ERCC4: variants seen among roughly 807,000 people sequenced by gnomAD.
The protein encoded by ERCC4 is DNA repair endonuclease XPF.
A neutral mutation model predicts 76.9 loss-of-function variants in ERCC4; 65 were observed. That is an observed-to-expected ratio of 0.84 (90% confidence interval 0.69 to 1.04). The LOEUF (loss-of-function observed/expected upper bound fraction) is 1.04. Among genes scored for constraint, ERCC4 ranks in the 50% least tolerant of loss-of-function variants. ERCC4 has a pLI of 0.00. For missense variants in ERCC4, 1,214 were observed against 1,128.2 expected (o/e 1.08, Z -1.09); for synonymous variants, 463 against 410.1 (o/e 1.13, Z -1.56).
In ERCC4 at chr16:13,937,674, G is replaced by A. The variant is rs3136163; in HGVS notation, c.1812-92G>A. On this transcript the variant is annotated intron_variant, in intron 8 of 10. Transcript: ENST00000311895. ...TTAGTCAAATATTTGTTATTTGAGC[G>A]CTCTAGGTTGCTGATTTCACATGTT... is the stretch of plus-strand genomic sequence containing the variant. 485 of 791,118 alleles carry A rather than the reference G, an allele frequency of 6.1e-4. 2 individuals carry two copies. The African/African-American group carries it at 6.6e-3, about 11-fold the overall frequency. 49.0% of individuals were successfully genotyped at this position (791,118 alleles called of 1,614,324 possible).
intron 9 of ERCC4, among the ~76,000 whole-genome samples, chr16:13,941,368 C>A (rs2032410318): frequency 1.3e-5 from 2 of 152,264 alleles, no homozygotes; most frequent in East Asian, 3.9e-4. Context: ...CTTACTTTCC[C>A]AGGAAACTTG....
Position 13,920,300 on chromosome 16 carries a change from C to T in ERCC4, c.135C>T (p.Leu45=), listed in dbSNP as rs749628982. The T allele has an allele frequency of 6.2e-6, 10 of 1,603,470 alleles. No individual in the cohort carries two copies. The highest frequency in any genetic ancestry group is 4.0e-5 in the African/African-American group (3 of 74,910). The change falls in exon 1 of 11, where the codon CTC becomes CTT. Residue 45 remains leucine, a synonymous_variant. Coordinates refer to ENST00000311895, the MANE Select transcript of ERCC4 (RefSeq NM_005236.3). ...GCGGGCTCGGCGCGGACCGGCTCCT[C>T]TACCACTTTCTCCAGCTGCACTGCC... is the stretch of plus-strand genomic sequence containing the variant. The part of the protein sequence containing the change: ...CARGLGADRL[L]YHFLQLHCHP...
At chr16:13,932,356 T>C in intron 6 of ERCC4, 71 bp downstream of exon 6, 2 of 1,407,596 alleles carry the variant, frequency 1.4e-6, no homozygotes, top group South Asian at 1.2e-5. Context: ...TAAAGTGCAA[T>C]TTAAAGTCTT....
At chr16:13,939,961 A>G (rs1044355316) in intron 9 of ERCC4, among the ~76,000 whole-genome samples, 1 of 152,332 alleles carries the variant, frequency 6.6e-6, no homozygotes, top group Middle Eastern at 3.4e-3. Context: ...CACAGAGCTA[A>G]AATACTCAGA....
chr16:13,929,873 A>T (rs1567244987), intron 4 of ERCC4, among the ~76,000 whole-genome samples: 1 of 152,202 alleles, frequency 6.6e-6, no homozygotes, highest in Non-Finnish European at 1.5e-5. Context: ...CTGAGGCAGG[A>T]TAATGGCACG....
Position 13,928,188 on chromosome 16 carries a change from G to A in ERCC4, c.745G>A (p.Val249Met). Reference sequence around the variant, plus strand: ...AAAATGCCATAACCCATCGCTTGAAGTGGAAGATTTATCTTTAGAAAATGC... The same window carrying A: ...AAAATGCCATAACCCATCGCTTGAAATGGAAGATTTATCTTTAGAAAATGC... ...ELKCHNPSLE[V>M]EDLSLENAIG... is the part of the protein sequence containing the mutation. The change falls in exon 4 of 11, where the codon GTG (valine) becomes ATG (methionine). Residue 249 changes from valine to methionine, a missense_variant. Val to Met is a conservative substitution (Grantham distance 21). Coordinates refer to ENST00000311895, the MANE Select transcript of ERCC4 (RefSeq NM_005236.3). The A allele has an allele frequency of 3.7e-6, 6 of 1,613,784 alleles. No individual in the cohort carries two copies. Among genetic ancestry groups the A allele is most frequent in the Non-Finnish European group, 5.1e-6 (6 of 1,179,848 alleles).
chr16:13,943,582 A>G (rs147330670), intron 9 of ERCC4, among the ~76,000 whole-genome samples: 118 of 152,340 alleles, frequency 7.7e-4, no homozygotes, highest in African/African-American at 2.5e-3. Flanking sequence ...CTATTAATTC[A>G]AGATGAGATT....
At chr16:13,936,503 C>G (rs3136155) in intron 8 of ERCC4, among the ~76,000 whole-genome samples, 1 of 151,996 alleles carries the variant, frequency 6.6e-6, no homozygotes, top group African/African-American at 2.4e-5. Context: ...TTTTTTGTAC[C>G]GTGCTGTTGA....
intron 7 of ERCC4, 163 bp from the exon 8 acceptor site, chr16:13,934,983 C>G: frequency 1.6e-6 from 1 of 625,974 alleles, no homozygotes; most frequent in Non-Finnish European, 2.9e-6. Context: ...GAGGAGAAAG[C>G]ATTTGATCAA....
intron 3 of ERCC4, 150 bp downstream of exon 3, chr16:13,926,906 C>T (rs2032083574): frequency 1.5e-6 from 1 of 664,050 alleles, no homozygotes; most frequent in African/African-American, 1.8e-5. Flanking sequence ...ATAACAAACA[C>T]ATCCAGCTAT....
intron 10 of ERCC4, among the ~76,000 whole-genome samples, chr16:13,946,226 A>G (rs944962154): frequency 6.6e-6 from 1 of 152,182 alleles, no homozygotes; most frequent in Non-Finnish European, 1.5e-5. Context: ...CAATCTCAAA[A>G]TGCTTAACGG....
At chr16:13,920,481 C>A in intron 1 of ERCC4, 109 bp downstream of exon 1, 1 of 980,994 alleles carries the variant, frequency 1.0e-6, no homozygotes. Context: ...GGGATTCAGG[C>A]CCCTGACACT....
chr16:13,934,347 A>G (rs905655809), intron 7 of ERCC4, 45 bp downstream of exon 7: 1 of 1,242,106 alleles, frequency 8.1e-7, no homozygotes, highest in Non-Finnish European at 1.2e-6. Flanking sequence ...AAATCTATCA[A>G]ATGAGTCCTG....
chr16:13,931,963 C>T, intron 5 of ERCC4, 194 bp from the exon 6 acceptor site: 1 of 602,988 alleles, frequency 1.7e-6, no homozygotes, highest in Non-Finnish European at 2.9e-6. Flanking sequence ...TTGGGGGCCC[C>T]TGGGAGTTCA....
In ERCC4 at chr16:13,935,436, G is replaced by A; in HGVS notation, c.1504G>A (p.Glu502Lys). Residue 502 changes from glutamate to lysine, a missense_variant, in exon 8 of 11, where the codon GAA (glutamate) becomes AAA (lysine). Coordinates refer to ENST00000311895, the MANE Select transcript of ERCC4 (RefSeq NM_005236.3). Reference protein sequence around the residue: ...LTLTQMVGKPEELEEEGDVEE... With the variant: ...LTLTQMVGKPKELEEEGDVEE... ...CTTAACTCAAATGGTAGGAAAACCT[G>A]AAGAACTGGAAGAGGAAGGAGATGT... 6.2e-7 allele frequency: 1 copy of A among 1,614,036 alleles called. No homozygotes were observed. The highest frequency in any genetic ancestry group is 8.5e-7 in the Non-Finnish European group (1 of 1,180,012).
In ERCC4 at chr16:13,937,390, C is replaced by A. The variant is rs372563299; in HGVS notation, c.1812-376C>A. ...GCTGGTTTTCATAACTACTGTCCAA[C>A]TTTTTAAATGATTGTTTGGCTGAGG... On this transcript the variant is annotated intron_variant, in intron 8 of 10. Transcript: ENST00000311895. Among the ~76,000 whole-genome samples the A allele has an allele frequency of 2.6e-5, 4 of 152,148 alleles. No homozygotes were observed. The South Asian group carries it at 8.3e-4, about 32-fold the overall frequency.
Position 13,926,741 on chromosome 16 carries a change from T to C in ERCC4, c.569T>C (p.Leu190Pro), listed in dbSNP as rs756024042. ...ATGAGAAATCTTTTTGTGAGGAAACTGTATCTGTGGCCAAGGTAAAGAACA... is the reference window on the plus strand; with the variant it reads ...ATGAGAAATCTTTTTGTGAGGAAACCGTATCTGTGGCCAAGGTAAAGAACA... ...RVMRNLFVRK[L>P]YLWPRFHVAV... Residue 190 changes from leucine (L) to proline (P), a missense_variant, in exon 3 of 11, where the codon CTG becomes CCG. Transcript: ENST00000311895. The C allele has an allele frequency of 1.2e-6, 2 of 1,613,252 alleles. No individual in the cohort carries two copies. The highest frequency in any genetic ancestry group is 1.7e-6 in the Non-Finnish European group (2 of 1,179,196).
chr16:13,924,172 C>T lies in ERCC4; in HGVS notation c.388+1961C>T, dbSNP rs150182424. 2.0e-3 allele frequency among the ~76,000 whole-genome samples: 301 copies of T among 152,304 alleles called. 1 individual carries two copies. Among genetic ancestry groups the T allele is most frequent in the African/African-American group, 6.5e-3 (272 of 41,558 alleles). ...CCCCAGGACTGACCAAAGAGCAGTG[C>T]GTGAAGTGCAGGTAACCCTCTGGAA... On this transcript the variant is annotated intron_variant, in intron 2 of 10. Transcript: ENST00000311895.
rs935471159 is a variant in ERCC4, at chr16:13,920,607, T to C, written c.207+235T>C. 2.7e-5 allele frequency among the ~76,000 whole-genome samples: 4 copies of C among 150,018 alleles called. No homozygotes were observed. The East Asian group carries it at 6.0e-4, about 22-fold the overall frequency. On this transcript the variant is annotated intron_variant, in intron 1 of 10. Coordinates refer to ENST00000311895, the MANE Select transcript of ERCC4 (RefSeq NM_005236.3). ...AGGAGGATACCGGTCGCTCACACCG[T>C]GCGGGGACACTGATAAGAATTGGAG...
Sources: allele counts gnomAD v4.1 joint callset (sites outside exome capture counted in the v4.1 genomes callset), GRCh38; gene constraint gnomAD v4.1.1; transcripts MANE v1.5; gene names NCBI Gene and HGNC (gene_info 2026-07-23, HGNC 2026-07-21).